The following ROBO1 variants were observed in gnomAD, a reference collection of about 807,000 sequenced individuals.
The protein encoded by ROBO1 is roundabout homolog 1.
Under a neutral mutation model 195.9 loss-of-function variants are expected in ROBO1, and 149 were observed. The ratio of observed to expected loss-of-function variants is 0.76; its 90% CI spans 0.67 to 0.87. The LOEUF is 0.87. ROBO1 is among the 40% of genes least tolerant of loss of function. The probability of loss-of-function intolerance (pLI) is 0.00; values close to 1 mark genes in which losing one functional copy is unlikely to be tolerated. For synonymous variants in ROBO1, 816 were observed against 733.2 expected (o/e 1.11, Z -1.82); for missense variants, 1,933 against 2,068.3 (o/e 0.93, Z 1.27).
chr3:79,324,601 CAG>C (rs1367665057), intron 2 of ROBO1, among the ~76,000 whole-genome samples: 1 of 151,870 alleles, frequency 6.6e-6, no homozygotes, highest in Non-Finnish European at 1.5e-5. Flanking sequence ...ACAAAACAAA[CAG>C]ACAAAAAAAG....
chr3:78,757,946 C>G (rs2108347533), intron 4 of ROBO1, among the ~76,000 whole-genome samples: 1 of 152,194 alleles, frequency 6.6e-6, no homozygotes, highest in East Asian at 1.9e-4. Context: ...ATAATAATGC[C>G]AAATACCTAA....
intron 2 of ROBO1, among the ~76,000 whole-genome samples, chr3:79,146,503 G>A (rs115575171): frequency 6.7e-4 from 102 of 151,896 alleles, no homozygotes; most frequent in African/African-American, 2.4e-3. Flanking sequence ...TATCTCTAAT[G>A]TGTATGTATA....
intron 3 of ROBO1, among the ~76,000 whole-genome samples, chr3:79,088,087 G>T (rs2079407006): frequency 6.6e-6 from 1 of 152,080 alleles, no homozygotes. Context: ...GTTGATGACG[G>T]TTGTGTTCAA....
intron 1 of ROBO1, among the ~76,000 whole-genome samples, chr3:79,733,121 A>T (rs1181320867): frequency 1.3e-5 from 2 of 152,088 alleles, no homozygotes; most frequent in African/African-American, 4.8e-5. Flanking sequence ...TCCATCTCCA[A>T]TCGATAAATC....
chr3:78,621,422 C>G (rs1704449410), intron 26 of ROBO1, among the ~76,000 whole-genome samples: 1 of 152,114 alleles, frequency 6.6e-6, no homozygotes, highest in Admixed American at 6.5e-5. Flanking sequence ...AGGATGCCAG[C>G]ATTGTTGTGT....
At chr3:79,492,545 C>T (rs1393110790) in intron 2 of ROBO1, among the ~76,000 whole-genome samples, 1 of 149,970 alleles carries the variant, frequency 6.7e-6, no homozygotes, top group Non-Finnish European at 1.5e-5. Flanking sequence ...TATAAATATA[C>T]ACACATAGGC....
At chr3:79,196,897 C>T (rs2081647946) in intron 2 of ROBO1, among the ~76,000 whole-genome samples, 2 of 151,678 alleles carry the variant, frequency 1.3e-5, no homozygotes. Flanking sequence ...AGGCTTTTCT[C>T]TCTCTGAGTT....
chr3:79,265,296 A>ATT lies in ROBO1; in HGVS notation c.89-139759_89-139758dup, dbSNP rs201760995. On this transcript the variant is annotated intron_variant, in intron 2 of 30. Transcript: ENST00000464233. ...TTTAATTTTCAAATTGGAAAAGCAGATTTTTTTTTTTTGCTGAGGTTTTTA... is the reference window on the plus strand; with the variant it reads ...TTTAATTTTCAAATTGGAAAAGCAGATTTTTTTTTTTTTTGCTGAGGTTTTTA... 1.1e-3 allele frequency among the ~76,000 whole-genome samples: 168 copies of ATT among 146,762 alleles called. 1 individual carries two copies. Among genetic ancestry groups the ATT allele is most frequent in the African/African-American group, 3.0e-3 (119 of 40,336 alleles).
intron 2 of ROBO1, among the ~76,000 whole-genome samples, chr3:79,324,594 A>G (rs1576976686): frequency 6.6e-6 from 1 of 152,148 alleles, no homozygotes; most frequent in East Asian, 1.9e-4. Context: ...AAACAAAACA[A>G]AACAAACAGA....
chr3:79,253,398 AT>A (rs899983389), intron 2 of ROBO1, among the ~76,000 whole-genome samples: 2 of 152,148 alleles, frequency 1.3e-5, no homozygotes, highest in African/African-American at 4.8e-5. Context: ...ACAAGAACAT[AT>A]TTTACTTCTT....
At chr3:79,612,903 T>C (rs1483737976) in intron 1 of ROBO1, among the ~76,000 whole-genome samples, 2 of 152,144 alleles carry the variant, frequency 1.3e-5, no homozygotes, top group Non-Finnish European at 2.9e-5. Context: ...GCACATTGTT[T>C]TGCAATGATT....
chr3:79,046,195 C>T (rs563248293), intron 3 of ROBO1, among the ~76,000 whole-genome samples: 5 of 152,202 alleles, frequency 3.3e-5, no homozygotes, highest in South Asian at 4.1e-4. Context: ...GGAAACCAGC[C>T]GCCATGTTGG....
chr3:78,728,982 C>A (rs1349295683), intron 5 of ROBO1, among the ~76,000 whole-genome samples: 1 of 152,178 alleles, frequency 6.6e-6, no homozygotes, highest in African/African-American at 2.4e-5. Context: ...AGAGAAGCAA[C>A]AAGAGACTTA....
intron 2 of ROBO1, among the ~76,000 whole-genome samples, chr3:79,542,761 A>G (rs1942121701): frequency 6.6e-6 from 1 of 152,078 alleles, no homozygotes; most frequent in Non-Finnish European, 1.5e-5. Flanking sequence ...CAAGAGTTAC[A>G]GGTTGATCTA....
chr3:79,371,992 C>A (rs1312464714), intron 2 of ROBO1, among the ~76,000 whole-genome samples: 1 of 152,082 alleles, frequency 6.6e-6, no homozygotes, highest in East Asian at 1.9e-4. Context: ...AGCAGGCAAC[C>A]TAGATCCCTT....
chr3:78,882,968 A>G (rs568381943), intron 4 of ROBO1, among the ~76,000 whole-genome samples: 14 of 151,918 alleles, frequency 9.2e-5, no homozygotes, highest in East Asian at 5.8e-4. Context: ...ATACGCCACC[A>G]CACCAGGCTA....
chr3:78,697,391 G>A (rs966753446), intron 8 of ROBO1, among the ~76,000 whole-genome samples: 1 of 152,084 alleles, frequency 6.6e-6, no homozygotes, highest in Non-Finnish European at 1.5e-5. Flanking sequence ...GAGGTTGGAG[G>A]AAAAGACCTT....
At chr3:79,205,662 A>C (rs984969182) in intron 2 of ROBO1, among the ~76,000 whole-genome samples, 2 of 152,098 alleles carry the variant, frequency 1.3e-5, no homozygotes, top group African/African-American at 4.8e-5. Flanking sequence ...TATGAATTAT[A>C]CTCTGGGGAA....
At position 78,855,084 on chromosome 3, in the gene ROBO1, G is replaced by A. The variant is rs557832038; in HGVS notation, c.499+83517C>T. Among the ~76,000 whole-genome samples, 168 of 151,804 alleles carry A rather than the reference G, an allele frequency of 1.1e-3. 4 individuals are homozygous for A. In the South Asian group the frequency reaches 0.033, roughly 30 times the overall value. On this transcript the variant is annotated intron_variant, in intron 4 of 30. Transcript: ENST00000464233. ...AGAGTATGCCAATATATAAGCACAT[G>A]ATTTATCCCTTCCTGGGGACACACA...
Sources: allele counts gnomAD v4.1 joint callset (sites outside exome capture counted in the v4.1 genomes callset), GRCh38; gene constraint gnomAD v4.1.1; transcripts MANE v1.5; gene names NCBI Gene and HGNC (gene_info 2026-07-23, HGNC 2026-07-21).